The following ZFPM2 variants were observed in gnomAD, a reference collection of about 807,000 sequenced individuals.
The protein encoded by ZFPM2 is zinc finger protein, FOG family member 2.
Under a neutral mutation model 98.6 loss-of-function variants are expected in ZFPM2, and 20 were observed. The ratio of observed to expected loss-of-function variants is 0.20; its 90% CI spans 0.14 to 0.29. ZFPM2 has a LOEUF of 0.29. ZFPM2 is among the 10% of genes least tolerant of loss of function. ZFPM2 has a pLI of 1.00. For missense variants in ZFPM2, 1,310 were observed against 1,388.6 expected (o/e 0.94, Z 0.90); for synonymous variants, 518 against 502.7 (o/e 1.03, Z -0.41).
chr8:105,414,708 A>C (rs1323602462), intron 1 of ZFPM2, among the ~76,000 whole-genome samples: 9 of 151,630 alleles, frequency 5.9e-5, no homozygotes. Flanking sequence ...TGTAGCAATA[A>C]TTTTCTTATA....
chr8:105,319,090 G>A (rs1811968043), intron 1 of ZFPM2, 109 bp downstream of exon 1: 17 of 1,291,894 alleles, frequency 1.3e-5, no homozygotes, highest in Admixed American at 2.5e-5. Flanking sequence ...ATCCGCTCCC[G>A]GTCCCCTAGA....
intron 1 of ZFPM2, among the ~76,000 whole-genome samples, chr8:105,394,563 A>G (rs1811184406): frequency 6.6e-6 from 1 of 152,204 alleles, no homozygotes; most frequent in Non-Finnish European, 1.5e-5. Context: ...GGTATAATGT[A>G]TCAAACAAAA....
intron 3 of ZFPM2, among the ~76,000 whole-genome samples, chr8:105,455,957 G>A (rs904228174): frequency 6.6e-6 from 1 of 152,092 alleles, no homozygotes; most frequent in African/African-American, 2.4e-5. Context: ...ACTCATGGCA[G>A]TGGAATTCTT....
At chr8:105,414,238 G>T (rs543453349) in intron 1 of ZFPM2, among the ~76,000 whole-genome samples, 3 of 151,952 alleles carry the variant, frequency 2.0e-5, no homozygotes, top group African/African-American at 7.2e-5. Flanking sequence ...TAAGAGAGAA[G>T]ATCCCTTTTG....
In ZFPM2 at chr8:105,647,055, C is replaced by A. The variant is rs78362203; in HGVS notation, c.532+12698C>A. Among the ~76,000 whole-genome samples, 37 of 152,262 alleles carry A rather than the reference C, an allele frequency of 2.4e-4. No homozygotes were observed. The East Asian group carries it at 6.9e-3, about 29-fold the overall frequency. ...AAGTTTTAGCTCCACTGCTCATCCT[C>A]CCTCTCAAGGTACCAGGTGCCTTTA... On this transcript the variant is annotated intron_variant, in intron 5 of 7. Coordinates refer to ENST00000407775, the MANE Select transcript of ZFPM2 (RefSeq NM_012082.4).
intron 4 of ZFPM2, among the ~76,000 whole-genome samples, chr8:105,572,738 G>T (rs187284848): frequency 1.3e-5 from 2 of 152,248 alleles, no homozygotes; most frequent in East Asian, 1.9e-4. Flanking sequence ...CCAAAATGCT[G>T]GGATTACAGG....
chr8:105,707,573 A>G (rs1280082507), intron 5 of ZFPM2, among the ~76,000 whole-genome samples: 3 of 152,124 alleles, frequency 2.0e-5, no homozygotes, highest in South Asian at 2.1e-4. Flanking sequence ...GACCAATCCA[A>G]TTCAGTGTAT....
intron 1 of ZFPM2, among the ~76,000 whole-genome samples, chr8:105,393,333 T>TCCGCC (rs370622164): frequency 1.1e-5 from 1 of 92,930 alleles, no homozygotes; most frequent in African/African-American, 4.2e-5. Context: ...TCTCTCTCTC[T>TCCGCC]TTGCCTTTCT....
intron 3 of ZFPM2, among the ~76,000 whole-genome samples, chr8:105,534,594 A>G (rs1186699484): frequency 1.3e-5 from 2 of 152,082 alleles, no homozygotes; most frequent in Admixed American, 6.6e-5. Context: ...TTAAGCTTAT[A>G]AAGATTAATA....
At chr8:105,568,936 G>A (rs1051902161) in intron 4 of ZFPM2, among the ~76,000 whole-genome samples, 9 of 151,442 alleles carry the variant, frequency 5.9e-5, no homozygotes, top group South Asian at 2.1e-4. Flanking sequence ...TTCCACATCC[G>A]TACATTTGGT....
At chr8:105,748,295 C>T (rs1291825081) in intron 5 of ZFPM2, among the ~76,000 whole-genome samples, 1 of 151,888 alleles carries the variant, frequency 6.6e-6, no homozygotes, top group African/African-American at 2.4e-5. Flanking sequence ...TAAAACAGTC[C>T]TGGTCAGGGT....
intron 4 of ZFPM2, among the ~76,000 whole-genome samples, chr8:105,623,664 G>C (rs571835537): frequency 6.6e-6 from 1 of 152,114 alleles, no homozygotes; most frequent in Non-Finnish European, 1.5e-5. Context: ...AGATGACTTT[G>C]TGCAGGGTAG....
At chr8:105,690,977 T>TCCAAAGTC (rs1281390130) in intron 5 of ZFPM2, 2 of 152,126 alleles carry the variant, frequency 1.3e-5, no homozygotes, top group Non-Finnish European at 2.9e-5. Context: ...GAGTAACTCT[T>TCCAAAGTC]CCAAAGTCAC....
intron 3 of ZFPM2, among the ~76,000 whole-genome samples, chr8:105,474,564 GC>G (rs1812976191): frequency 6.6e-6 from 1 of 151,896 alleles, no homozygotes; most frequent in Non-Finnish European, 1.5e-5. Flanking sequence ...AAAATAAGAA[GC>G]AAGTTATCTT....
At chr8:105,724,554 T>A (rs1811759813) in intron 5 of ZFPM2, among the ~76,000 whole-genome samples, 1 of 152,006 alleles carries the variant, frequency 6.6e-6, no homozygotes, top group South Asian at 2.1e-4. Flanking sequence ...CACATGGAGA[T>A]GATTAGCATC....
chr8:105,572,812 CT>C (rs1815386602), intron 4 of ZFPM2, among the ~76,000 whole-genome samples: 2 of 152,144 alleles, frequency 1.3e-5, no homozygotes, highest in African/African-American at 2.4e-5. Context: ...CTTCAATTTT[CT>C]CATAAAACCC....
intron 3 of ZFPM2, among the ~76,000 whole-genome samples, chr8:105,558,484 A>G (rs1467778488): frequency 1.3e-5 from 2 of 152,130 alleles, no homozygotes; most frequent in Non-Finnish European, 2.9e-5. Flanking sequence ...TTGTAAAAGT[A>G]TTTTTGGTCT....
At chr8:105,710,231 A>C (rs760256578) in intron 5 of ZFPM2, among the ~76,000 whole-genome samples, 15 of 152,104 alleles carry the variant, frequency 9.9e-5, no homozygotes, top group Non-Finnish European at 1.9e-4. Context: ...AAAACCAAGT[A>C]CTGCTTTTCA....
chr8:105,726,721 A>G (rs1296029789), intron 5 of ZFPM2, among the ~76,000 whole-genome samples: 1 of 151,778 alleles, frequency 6.6e-6, no homozygotes, highest in Non-Finnish European at 1.5e-5. Context: ...TAAGTTTCCA[A>G]TGGATGGTTT....
Sources: allele counts gnomAD v4.1 joint callset (sites outside exome capture counted in the v4.1 genomes callset), GRCh38; gene constraint gnomAD v4.1.1; transcripts MANE v1.5; gene names NCBI Gene and HGNC (gene_info 2026-07-23, HGNC 2026-07-21).